The following CDYL variants were observed in gnomAD, a reference collection of about 807,000 sequenced individuals.
CDYL encodes the protein chromodomain Y like.
Under a neutral mutation model 47.3 loss-of-function variants are expected in CDYL, and 8 were observed. The ratio of observed to expected loss-of-function variants is 0.17; its 90% CI spans 0.10 to 0.31. CDYL has a LOEUF of 0.31. Among genes scored for constraint, CDYL ranks in the 10% least tolerant of loss-of-function variants. The pLI is 1.00. For missense variants in CDYL, 471 were observed against 701.4 expected (o/e 0.67, Z 3.71); for synonymous variants, 266 against 265.0 (o/e 1.00, Z -0.04).
intron 2 of CDYL, among the ~76,000 whole-genome samples, chr6:4,729,399 A>G (rs1757567328): frequency 1.3e-5 from 2 of 152,130 alleles, no homozygotes; most frequent in African/African-American, 2.4e-5. Flanking sequence ...AGCCACATCC[A>G]CATTTCTAGA....
rs754188736 is a variant in CDYL at position 4,803,733 on chromosome 6, ATT to A, written c.24+26945_24+26946del. ...GCTTCAGACTTGGCTCACTTTCCTG[ATT>A]TTTTTTTTTTTTTTTTTTAGTTTTC... On this transcript the variant is annotated intron_variant, in intron 1 of 6. Transcript: ENST00000397588. Among the ~76,000 whole-genome samples the A allele has an allele frequency of 9.1e-3, 1,088 of 119,926 alleles. 15 individuals are homozygous for A. The highest frequency in any genetic ancestry group is 0.031 in the African/African-American group (993 of 32,444). 78.7% of individuals were successfully genotyped at this position (119,926 alleles called of 152,430 possible). A position where few individuals can be genotyped will look rare whatever the true frequency, so the allele number is the denominator to read the frequency against.
intron 2 of CDYL, among the ~76,000 whole-genome samples, chr6:4,724,252 T>C (rs1465704552): frequency 6.6e-6 from 1 of 152,074 alleles, no homozygotes. Flanking sequence ...TTTCATTATA[T>C]GTTGGCCCGG....
At chr6:4,913,528 A>G (rs1328211533) in intron 2 of CDYL, among the ~76,000 whole-genome samples, 1 of 152,262 alleles carries the variant, frequency 6.6e-6, no homozygotes, top group African/African-American at 2.4e-5. Context: ...ATCTTTAAGC[A>G]GATAACAGAA....
chr6:4,912,931 G>A (rs1757454864), intron 2 of CDYL, among the ~76,000 whole-genome samples: 1 of 152,164 alleles, frequency 6.6e-6, no homozygotes, highest in African/African-American at 2.4e-5. Context: ...GCCACACTGG[G>A]GGTTACATTT....
At chr6:4,890,003 G>C (rs1455292165) in intron 1 of CDYL, 1 of 985,472 alleles carries the variant, frequency 1.0e-6, no homozygotes, top group East Asian at 1.1e-4. Context: ...GTTAAGGAGG[G>C]AGGGGAAACA....
At chr6:4,833,923 T>G (rs1157671787) in intron 1 of CDYL, among the ~76,000 whole-genome samples, 1 of 151,944 alleles carries the variant, frequency 6.6e-6, no homozygotes, top group Non-Finnish European at 1.5e-5. Flanking sequence ...TTCCATTTGC[T>G]TGGTAGATCT....
At chr6:4,848,294 A>T (rs190493555) in intron 1 of CDYL, among the ~76,000 whole-genome samples, 41 of 152,314 alleles carry the variant, frequency 2.7e-4, no homozygotes, top group Non-Finnish European at 3.1e-4. Context: ...TAACTCCAGT[A>T]TGGCAGATTG....
rs147341645 is a variant in CDYL at position 4,893,323 on chromosome 6, C to T, written c.691+944C>T. ...TGTCAGCACCAGGGCCGCACGTGGT[C>T]CCTTCCTCTCCATCTGCTCAGGGGC... On this transcript the variant is annotated intron_variant, in intron 2 of 6. Transcript: ENST00000397588. Among the ~76,000 whole-genome samples the T allele has an allele frequency of 2.0e-3, 302 of 152,348 alleles. 1 individual carries two copies. Among genetic ancestry groups the T allele is most frequent in the Non-Finnish European group, 3.8e-3 (256 of 68,032 alleles).
intron 1 of CDYL, among the ~76,000 whole-genome samples, chr6:4,858,748 T>C (rs968155643): frequency 6.6e-6 from 1 of 152,340 alleles, no homozygotes; most frequent in Middle Eastern, 3.4e-3. Context: ...ACTATTAGAC[T>C]GTGTGAGTTT....
chr6:4,922,552 T>A (rs1561710255), intron 2 of CDYL, among the ~76,000 whole-genome samples: 1 of 152,232 alleles, frequency 6.6e-6, no homozygotes, highest in Non-Finnish European at 1.5e-5. Flanking sequence ...TGGGTGCAGC[T>A]TTAACGAGCA....
chr6:4,854,041 G>A (rs2127464937), intron 1 of CDYL, among the ~76,000 whole-genome samples: 1 of 152,334 alleles, frequency 6.6e-6, no homozygotes, highest in East Asian at 1.9e-4. Flanking sequence ...TCCCCTTGAA[G>A]TGTGTGTACT....
At chr6:4,729,637 G>T (rs544629816) in intron 2 of CDYL, among the ~76,000 whole-genome samples, 1 of 152,370 alleles carries the variant, frequency 6.6e-6, no homozygotes, top group African/African-American at 2.4e-5. Context: ...AAAGGTGGAG[G>T]CTGGGCATGG....
intron 4 of CDYL, among the ~76,000 whole-genome samples, chr6:4,938,393 TC>T (rs1362519342): frequency 2.6e-5 from 4 of 152,198 alleles, no homozygotes; most frequent in African/African-American, 7.2e-5. Context: ...TGGTGTGTCT[TC>T]CCCAACCTTT....
chr6:4,848,048 T>A (rs1252174174), intron 1 of CDYL, among the ~76,000 whole-genome samples: 2 of 152,210 alleles, frequency 1.3e-5, no homozygotes, highest in Non-Finnish European at 2.9e-5. Flanking sequence ...AGTGTTGAAA[T>A]GGGAAAATAT....
At chr6:4,895,954 G>T (rs1276075124) in intron 2 of CDYL, among the ~76,000 whole-genome samples, 4 of 152,164 alleles carry the variant, frequency 2.6e-5, no homozygotes, top group Non-Finnish European at 5.9e-5. Flanking sequence ...GTTGTGCGGA[G>T]TTGGGAGGTT....
chr6:4,743,490 A>G (rs1302969359), intron 3 of CDYL, among the ~76,000 whole-genome samples: 1 of 152,216 alleles, frequency 6.6e-6, no homozygotes, highest in Non-Finnish European at 1.5e-5. Context: ...ATACAAACCA[A>G]AATTTTACAC....
intron 1 of CDYL, among the ~76,000 whole-genome samples, chr6:4,814,376 A>T (rs1181116081): frequency 1.3e-5 from 2 of 152,206 alleles, no homozygotes; most frequent in African/African-American, 4.8e-5. Context: ...AGTGAAACTG[A>T]ACAGGTATTT....
chr6:4,842,061 ATATT>A (rs1226396998), intron 1 of CDYL, among the ~76,000 whole-genome samples: 626 of 144,148 alleles, frequency 4.3e-3, no homozygotes, highest in African/African-American at 0.014. Context: ...ATTAATATTC[ATATT>A]TATTTATATA....
chr6:4,877,269 T>C (rs549648020), intron 1 of CDYL, among the ~76,000 whole-genome samples: 22 of 152,348 alleles, frequency 1.4e-4, no homozygotes, highest in African/African-American at 5.1e-4. Flanking sequence ...TTTTTTCTTA[T>C]TTATTCTGTC....
Sources: gnomAD v4.1 joint callset for allele counts (sites outside exome capture counted in the v4.1 genomes callset) on GRCh38, gnomAD v4.1.1 for gene constraint, MANE v1.5 for transcripts, NCBI Gene and HGNC (gene_info 2026-07-23, HGNC 2026-07-21) for gene names.